Variants in COMT observed in about 807,000 individuals in gnomAD.
The protein encoded by COMT is catechol O-methyltransferase.
In COMT, 13 loss-of-function variants were observed where a neutral mutation model predicts 18.9. That is an observed-to-expected ratio of 0.69 (90% CI 0.45 to 1.09). The LOEUF is 1.09. Among genes scored for constraint, COMT ranks in the 50% least tolerant of loss-of-function variants. The probability of loss-of-function intolerance (pLI) is 0.00; values close to 1 mark genes in which losing one functional copy is unlikely to be tolerated. For missense variants in COMT, 329 were observed against 361.8 expected (o/e 0.91, Z 0.73); for synonymous variants, 150 against 160.9 (o/e 0.93, Z 0.51).
chr22:19,950,146 G>A lies in COMT; in HGVS notation c.-92+8249G>A, dbSNP rs573980323. On this transcript the variant is annotated intron_variant, in intron 1 of 5. Coordinates refer to ENST00000361682, the MANE Select transcript of COMT (RefSeq NM_000754.4). ...TTTTTAGGCCAATATATTATCAAACGCAATTAACAAAACACAACTCACTAG... is the reference window on the plus strand; with the variant it reads ...TTTTTAGGCCAATATATTATCAAACACAATTAACAAAACACAACTCACTAG... Among the ~76,000 whole-genome samples the A allele has an allele frequency of 8.7e-5, 13 of 150,182 alleles. No homozygotes were observed. The South Asian group carries it at 2.3e-3, about 27-fold the overall frequency.
At chr22:19,956,471 G>A (rs918385881) in intron 1 of COMT, among the ~76,000 whole-genome samples, 1 of 149,978 alleles carries the variant, frequency 6.7e-6, no homozygotes, top group East Asian at 2.0e-4. Flanking sequence ...CTGCCTCCCA[G>A]GTTCAGGCTA....
intron 1 of COMT, among the ~76,000 whole-genome samples, chr22:19,946,920 T>G (rs1373497565): frequency 2.8e-5 from 4 of 144,670 alleles, no homozygotes; most frequent in East Asian, 2.0e-4. Flanking sequence ...GTTTTTTTTT[T>G]TTTTTTTTTT....
At chr22:19,964,578 GCA>G (rs1942292029) in intron 5 of COMT, 5 of 623,068 alleles carry the variant, frequency 8.0e-6, no homozygotes, top group Non-Finnish European at 1.1e-5. Flanking sequence ...GAAGTGGGGT[GCA>G]CACCCCAGAC....
At chr22:19,965,991 C>T (rs1336834903) in intron 5 of COMT, among the ~76,000 whole-genome samples, 1 of 152,230 alleles carries the variant, frequency 6.6e-6, no homozygotes, top group East Asian at 1.9e-4. Context: ...TGCGTTACTG[C>T]GGCCGAGTTT....
intron 1 of COMT, among the ~76,000 whole-genome samples, chr22:19,957,719 C>T (rs1942095141): frequency 6.6e-6 from 1 of 152,242 alleles, no homozygotes; most frequent in Non-Finnish European, 1.5e-5. Flanking sequence ...ACGATCATGC[C>T]TGCCCTCTAC....
chr22:19,964,437 C>A, intron 5 of COMT, 138 bp downstream of exon 5: 1 of 1,276,112 alleles, frequency 7.8e-7, no homozygotes, highest in Non-Finnish European at 1.1e-6. Flanking sequence ...CACCTGAGGT[C>A]TGGGAGTGTG....
At chr22:19,953,275 T>A (rs927028009) in intron 1 of COMT, among the ~76,000 whole-genome samples, 4 of 152,134 alleles carry the variant, frequency 2.6e-5, no homozygotes, top group East Asian at 1.9e-4. Context: ...CTGGTCCAGA[T>A]GCTGGGGCTT....
At chr22:19,957,248 C>G (rs966351417) in intron 1 of COMT, among the ~76,000 whole-genome samples, 9 of 152,316 alleles carry the variant, frequency 5.9e-5, no homozygotes, top group African/African-American at 2.2e-4. Flanking sequence ...CCGCGCCCGG[C>G]CAGCATTCCT....
chr22:19,957,112 G>A (rs1423388504), intron 1 of COMT, among the ~76,000 whole-genome samples: 1 of 150,896 alleles, frequency 6.6e-6, no homozygotes, highest in Non-Finnish European at 1.5e-5. Flanking sequence ...CACCACACCC[G>A]GCCAATTTTT....
chr22:19,947,558 G>A (rs1166436927), intron 1 of COMT, among the ~76,000 whole-genome samples: 3 of 152,220 alleles, frequency 2.0e-5, no homozygotes, highest in African/African-American at 7.2e-5. Flanking sequence ...GAGGCGGACA[G>A]CGAGAGGAGA....
intron 1 of COMT, among the ~76,000 whole-genome samples, chr22:19,954,090 G>C (rs953253669): frequency 6.6e-6 from 1 of 152,160 alleles, no homozygotes; most frequent in Non-Finnish European, 1.5e-5. Context: ...GCCTCTCTCA[G>C]CCCAGCCCTT....
In COMT at chr22:19,962,817, T is replaced by C; in HGVS notation, c.289+2T>C. 2 of 1,601,860 alleles carry C rather than the reference T, an allele frequency of 1.2e-6. No individual in the cohort carries two copies. The highest frequency in any genetic ancestry group is 1.7e-6 in the Non-Finnish European group (2 of 1,170,834). ...CCATGAACGTGGGCGACAAGAAAGGTGGGGTCCGGGCCAGCAGGTGCTCAG... is the reference window on the plus strand; with the variant it reads ...CCATGAACGTGGGCGACAAGAAAGGCGGGGTCCGGGCCAGCAGGTGCTCAG... On this transcript the variant is annotated splice_donor_variant, in intron 3 of 5. Transcript: ENST00000361682. LOFTEE classifies it high-confidence loss of function.
chr22:19,947,549 A>G (rs1941860166), intron 1 of COMT, among the ~76,000 whole-genome samples: 1 of 152,184 alleles, frequency 6.6e-6, no homozygotes, highest in African/African-American at 2.4e-5. Context: ...TTGGCAGCCG[A>G]GGCGGACAGC....
chr22:19,957,896 C>G (rs1942099612), intron 1 of COMT, among the ~76,000 whole-genome samples: 1 of 152,222 alleles, frequency 6.6e-6, no homozygotes. Flanking sequence ...ATAACTGAAT[C>G]ATACCTCATT....
chr22:19,949,294 G>GA (rs1376378741), intron 1 of COMT, among the ~76,000 whole-genome samples: 19 of 152,044 alleles, frequency 1.2e-4, no homozygotes, highest in Admixed American at 3.3e-4. Flanking sequence ...GTACCACCAT[G>GA]CCAGGCTAAT....
intron 5 of COMT, chr22:19,964,505 T>C (rs1353875359): frequency 3.9e-6 from 3 of 764,916 alleles, no homozygotes; most frequent in East Asian, 2.7e-5. Context: ...GCCAGGGGCC[T>C]GGCTGGGTGG....
intron 5 of COMT, chr22:19,967,017 T>G: frequency 8.3e-7 from 1 of 1,199,716 alleles, no homozygotes; most frequent in Non-Finnish European, 1.1e-6. Flanking sequence ...GGTAGGAGGC[T>G]TGCAGTGTCG....
At chr22:19,946,540 TGGGCC>T (rs1339279884) in intron 1 of COMT, among the ~76,000 whole-genome samples, 2 of 152,180 alleles carry the variant, frequency 1.3e-5, no homozygotes, top group African/African-American at 4.8e-5. Flanking sequence ...GTACCTGTCA[TGGGCC>T]TTTTCATTGG....
intron 1 of COMT, among the ~76,000 whole-genome samples, chr22:19,951,349 ACT>A (rs1941932881): frequency 3.6e-5 from 3 of 83,722 alleles, no homozygotes; most frequent in Non-Finnish European, 7.2e-5. Flanking sequence ...ACAGAGCAAG[ACT>A]CTGTCCCAAA....
Sources: gnomAD v4.1 joint callset for allele counts (sites outside exome capture counted in the v4.1 genomes callset) on GRCh38, gnomAD v4.1.1 for gene constraint, MANE v1.5 for transcripts, NCBI Gene and HGNC (gene_info 2026-07-23, HGNC 2026-07-21) for gene names.